CSGALNACT2: variants seen among roughly 807,000 people sequenced by gnomAD.
The protein encoded by CSGALNACT2 is beta 4 GalNAcT-2.
Under a neutral mutation model 55.3 loss-of-function variants are expected in CSGALNACT2, and 35 were observed. That is an observed-to-expected ratio of 0.63 (90% CI 0.48 to 0.84). The LOEUF (loss-of-function observed/expected upper bound fraction) is 0.84. Among genes scored for constraint, CSGALNACT2 ranks in the 40% least tolerant of loss-of-function variants. CSGALNACT2 has a pLI of 0.00. For synonymous variants in CSGALNACT2, 196 were observed against 224.9 expected, an observed-to-expected ratio of 0.87 and a Z score of 1.15; for missense variants, 544 against 657.5, an observed-to-expected ratio of 0.83 and a Z score of 1.89.
chr10:43,152,004 A>G (rs1340369654), intron 1 of CSGALNACT2, among the ~76,000 whole-genome samples: 1 of 152,200 alleles, frequency 6.6e-6, no homozygotes, highest in Non-Finnish European at 1.5e-5. Flanking sequence ...TGGTCGTAAA[A>G]GGAAGTCAGT....
intron 1 of CSGALNACT2, among the ~76,000 whole-genome samples, chr10:43,142,262 A>C (rs1362476589): frequency 1.3e-5 from 2 of 151,612 alleles, no homozygotes; most frequent in Non-Finnish European, 2.9e-5. Flanking sequence ...CCCAGGCTGG[A>C]GTGCAGTGGC....
At chr10:43,155,887 G>A in intron 2 of CSGALNACT2, 77 bp downstream of exon 2, 1 of 1,171,294 alleles carries the variant, frequency 8.5e-7, no homozygotes, top group Middle Eastern at 2.0e-4. Context: ...TTGTATTGTA[G>A]TATTGTACTG....
chr10:43,158,177 CAT>C (rs759193470), intron 2 of CSGALNACT2, among the ~76,000 whole-genome samples: 1 of 109,028 alleles, frequency 9.2e-6, no homozygotes, highest in Non-Finnish European at 1.9e-5. Context: ...TGTATACACA[CAT>C]ATATATATAC....
intron 6 of CSGALNACT2, among the ~76,000 whole-genome samples, chr10:43,174,408 G>T (rs7074319): frequency 6.6e-6 from 1 of 151,996 alleles, no homozygotes; most frequent in African/African-American, 2.4e-5. Context: ...AGGAATTTCT[G>T]TGTAGGTGCC....
chr10:43,181,864 T>C, intron 7 of CSGALNACT2, among the ~76,000 whole-genome samples: 1 of 46,084 alleles, frequency 2.2e-5, no homozygotes, highest in African/African-American at 1.5e-4. Flanking sequence ...GAGTGGATCA[T>C]CTGAGGTCAG....
chr10:43,181,528 T>A (rs1839588681), intron 7 of CSGALNACT2, among the ~76,000 whole-genome samples: 1 of 152,182 alleles, frequency 6.6e-6, no homozygotes, highest in Non-Finnish European at 1.5e-5. Flanking sequence ...GTATCAGACA[T>A]AGCATTTAGT....
At chr10:43,147,095 C>A (rs1838772109) in intron 1 of CSGALNACT2, among the ~76,000 whole-genome samples, 1 of 142,668 alleles carries the variant, frequency 7.0e-6, no homozygotes, top group Non-Finnish European at 1.5e-5. Flanking sequence ...CCTGCCTCAG[C>A]CTCCCAAGTA....
chr10:43,181,239 A>G (rs765500122), intron 7 of CSGALNACT2, among the ~76,000 whole-genome samples: 42 of 152,318 alleles, frequency 2.8e-4, no homozygotes, highest in Non-Finnish European at 3.8e-4. Flanking sequence ...TGGTCCCCAC[A>G]GAGATTTCTG....
chr10:43,149,144 G>A (rs190816962), intron 1 of CSGALNACT2, among the ~76,000 whole-genome samples: 5 of 152,152 alleles, frequency 3.3e-5, no homozygotes, highest in South Asian at 2.1e-4. Context: ...GTGCAGTGGC[G>A]TGATCTCGGC....
At chr10:43,171,522 T>G (rs1839382859) in intron 6 of CSGALNACT2, among the ~76,000 whole-genome samples, 1 of 151,940 alleles carries the variant, frequency 6.6e-6, no homozygotes, top group African/African-American at 2.4e-5. Flanking sequence ...CCAGCTAATT[T>G]TTGTATTTTT....
intron 3 of CSGALNACT2, 34 bp downstream of exon 3, chr10:43,158,965 C>A (rs1361205682): frequency 7.9e-7 from 1 of 1,272,244 alleles, no homozygotes; most frequent in Non-Finnish European, 1.1e-6. Flanking sequence ...AAGCTACATT[C>A]TCCTAAAAAA....
chr10:43,146,200 A>G (rs1005175027), intron 1 of CSGALNACT2, among the ~76,000 whole-genome samples: 1 of 152,186 alleles, frequency 6.6e-6, no homozygotes, highest in African/African-American at 2.4e-5. Context: ...ACGAGTCCCA[A>G]AAGTAGGGAA....
At chr10:43,166,780 T>C (rs2133135173) in intron 5 of CSGALNACT2, among the ~76,000 whole-genome samples, 1 of 152,352 alleles carries the variant, frequency 6.6e-6, no homozygotes, top group Admixed American at 6.5e-5. Flanking sequence ...AAGCACCCTT[T>C]AGTTTGTTTT....
At chr10:43,175,150 T>C (rs960769092) in intron 6 of CSGALNACT2, among the ~76,000 whole-genome samples, 1 of 152,366 alleles carries the variant, frequency 6.6e-6, no homozygotes, top group East Asian at 1.9e-4. Flanking sequence ...TTTTAATCTT[T>C]ATAGGCCATA....
rs55776451 is a variant in CSGALNACT2 at position 43,168,673 on chromosome 10, G to GACACACAC, written c.1254+1604_1254+1611dup. ...ATCAACACTTGGCATAGTACACACA[G>GACACACAC]ACACACACACACACACACACACACA... On this transcript the variant is annotated intron_variant, in intron 6 of 7. Transcript: ENST00000374466. 4.7e-3 allele frequency among the ~76,000 whole-genome samples: 691 copies of GACACACAC among 148,000 alleles called. 8 individuals carry two copies. Among genetic ancestry groups the GACACACAC allele is most frequent in the African/African-American group, 0.017 (669 of 40,292 alleles).
chr10:43,150,146 G>GA (rs1319661686), intron 1 of CSGALNACT2, among the ~76,000 whole-genome samples: 1 of 152,164 alleles, frequency 6.6e-6, no homozygotes, highest in African/African-American at 2.4e-5. Context: ...TTTTCATTGT[G>GA]AGTAGTTTTT....
At chr10:43,150,488 G>T (rs1253636344) in intron 1 of CSGALNACT2, among the ~76,000 whole-genome samples, 2 of 152,080 alleles carry the variant, frequency 1.3e-5, no homozygotes, top group African/African-American at 2.4e-5. Context: ...AATTTCTCTG[G>T]GTATAGAATT....
chr10:43,168,324 G>C (rs1839310991), intron 6 of CSGALNACT2, among the ~76,000 whole-genome samples: 1 of 152,064 alleles, frequency 6.6e-6, no homozygotes, highest in Admixed American at 6.6e-5. Flanking sequence ...GGTGGCACGA[G>C]CCTGTAGTCC....
Position 43,153,513 on chromosome 10 carries a change from T to A in CSGALNACT2, c.-253-1384T>A, listed in dbSNP as rs527431523. On this transcript the variant is annotated intron_variant, in intron 1 of 7. Coordinates refer to ENST00000374466, the MANE Select transcript of CSGALNACT2 (RefSeq NM_018590.5). ...AGACATGTTACCAAAAAAAAAAAAA[T>A]ACGCATTGCAGCATTTGCCACAGAA... Among the ~76,000 whole-genome samples, 7 of 150,332 alleles carry A rather than the reference T, an allele frequency of 4.7e-5. No individual in the cohort carries two copies. The South Asian group carries it at 6.3e-4, about 13-fold the overall frequency.
Sources: gnomAD v4.1 joint callset for allele counts (sites outside exome capture counted in the v4.1 genomes callset) on GRCh38, gnomAD v4.1.1 for gene constraint, MANE v1.5 for transcripts, NCBI Gene and HGNC (gene_info 2026-07-23, HGNC 2026-07-21) for gene names.